POPDC3: variants seen among roughly 807,000 people sequenced by gnomAD.
The protein encoded by POPDC3 is popeye domain-containing protein 3.
POPDC3 carries 20 observed loss-of-function variants against 28.2 expected under a neutral mutation model. That is an observed-to-expected ratio of 0.71 (90% CI 0.50 to 1.03). The LOEUF (loss-of-function observed/expected upper bound fraction) is 1.03. Ranked by LOEUF, POPDC3 falls within the 50% of genes least tolerant of loss-of-function variation. The probability of loss-of-function intolerance (pLI) is 0.00; values close to 1 mark genes in which losing one functional copy is unlikely to be tolerated. For synonymous variants in POPDC3, 118 were observed against 124.1 expected (o/e 0.95, Z 0.33); for missense variants, 316 against 345.9 (o/e 0.91, Z 0.69).
intron 1 of POPDC3, among the ~76,000 whole-genome samples, chr6:105,166,349 T>C (rs1379534301): frequency 6.6e-6 from 1 of 152,022 alleles, no homozygotes; most frequent in Non-Finnish European, 1.5e-5. Flanking sequence ...GTTACTTAAC[T>C]GGCCTGTTTT....
At chr6:105,160,765 T>C (rs545038647) in intron 2 of POPDC3, among the ~76,000 whole-genome samples, 36 of 151,554 alleles carry the variant, frequency 2.4e-4, no homozygotes, top group African/African-American at 8.7e-4. Context: ...GATAATTTTG[T>C]TTTTCTATTT....
At chr6:105,178,887 C>G in intron 1 of POPDC3, 1 of 985,368 alleles carries the variant, frequency 1.0e-6, no homozygotes, top group Non-Finnish European at 1.2e-6. Flanking sequence ...TTTAAGGCTG[C>G]TATAAAACTC....
chr6:105,176,737 A>G (rs1462351357), intron 1 of POPDC3, among the ~76,000 whole-genome samples: 3 of 151,998 alleles, frequency 2.0e-5, no homozygotes, highest in African/African-American at 7.2e-5. Context: ...TTGTATTTTT[A>G]GTAGAGACAC....
At chr6:105,165,368 G>A (rs1774435102) in intron 1 of POPDC3, among the ~76,000 whole-genome samples, 1 of 152,178 alleles carries the variant, frequency 6.6e-6, no homozygotes, top group African/African-American at 2.4e-5. Flanking sequence ...ATAATTTGCT[G>A]TATTATTCAA....
At chr6:105,170,155 T>C (rs921417302) in intron 1 of POPDC3, among the ~76,000 whole-genome samples, 1 of 152,154 alleles carries the variant, frequency 6.6e-6, no homozygotes, top group African/African-American at 2.4e-5. Context: ...TTTTAAATAA[T>C]TGACAGGCTC....
chr6:105,162,609 G>A (rs962050123), intron 1 of POPDC3, among the ~76,000 whole-genome samples: 2 of 152,148 alleles, frequency 1.3e-5, no homozygotes, highest in African/African-American at 4.8e-5. Flanking sequence ...GCGTGCGCCT[G>A]GGATCCCAGC....
At chr6:105,179,297 G>GT (rs1774738014) in intron 1 of POPDC3, 1 of 970,672 alleles carries the variant, frequency 1.0e-6, no homozygotes, top group African/African-American at 1.8e-5. Flanking sequence ...TGAGAACAGT[G>GT]TGAGAGCACT....
intron 2 of POPDC3, among the ~76,000 whole-genome samples, 171 bp downstream of exon 2, chr6:105,161,253 GC>G (rs1191919031): frequency 6.6e-6 from 1 of 152,144 alleles, no homozygotes; most frequent in Non-Finnish European, 1.5e-5. Context: ...AGTAAATAAT[GC>G]CATATATTCT....
At position 105,161,752 on chromosome 6, in the gene POPDC3, A is replaced by T; in HGVS notation, c.158T>A (p.Val53Asp). The change falls in exon 2 of 4, where the codon GTC (valine) becomes GAC (aspartate). Residue 53 changes from valine (V) to aspartate (D), a missense_variant. Physicochemically the swap from Val to Asp is radical, Grantham distance 152. Transcript: ENST00000254765. ...GGSGFFGLLY[V>D]FSLLGLGFLC... ...AAAACCCAACCCCAGCAAACTGAAGACATAAAGGAGCCCGAAGAATCCACT... is the reference window on the plus strand; with the variant it reads ...AAAACCCAACCCCAGCAAACTGAAGTCATAAAGGAGCCCGAAGAATCCACT... 6.2e-7 allele frequency: 1 copy of T among 1,614,200 alleles called. No homozygotes were observed. The highest frequency in any genetic ancestry group is 8.5e-7 in the Non-Finnish European group (1 of 1,180,036).
chr6:105,164,731 C>T (rs932019613), intron 1 of POPDC3, among the ~76,000 whole-genome samples: 4 of 152,204 alleles, frequency 2.6e-5, no homozygotes, highest in Non-Finnish European at 5.9e-5. Flanking sequence ...CAAAGTGGCA[C>T]AATGGATTTC....
In POPDC3 at chr6:105,159,711, C is replaced by T. The variant is rs1199410191; in HGVS notation, c.594G>A (p.Gln198=). ...AACTGTGTGTTCTGGTATCCCTTAC[C>T]TGAAAAATGCCTTCCTCTGTGGGTC... The part of the protein sequence containing the change: ...SLRPTEEGIF[Q]VTLTAETDCR... Residue 198 remains glutamine (Q), a splice_region_variant and synonymous_variant, in exon 3 of 4, where the codon CAG becomes CAA. Coordinates refer to ENST00000254765, the MANE Select transcript of POPDC3 (RefSeq NM_022361.5). The T allele has an allele frequency of 1.9e-6, 3 of 1,584,494 alleles. No individual in the cohort carries two copies. The East Asian group carries it at 6.7e-5, about 35-fold the overall frequency.
chr6:105,174,096 C>G (rs1176729004), intron 1 of POPDC3, among the ~76,000 whole-genome samples: 1 of 152,178 alleles, frequency 6.6e-6, no homozygotes, highest in Non-Finnish European at 1.5e-5. Flanking sequence ...GGCTGGAGTG[C>G]AATGGCACAA....
intron 1 of POPDC3, among the ~76,000 whole-genome samples, chr6:105,172,139 A>C (rs1386093631): frequency 6.8e-6 from 1 of 147,136 alleles, no homozygotes; most frequent in African/African-American, 2.5e-5. Context: ...CTCATCTGAC[A>C]AAGGGCTAAT....
intron 1 of POPDC3, among the ~76,000 whole-genome samples, chr6:105,176,561 A>AT (rs1352307169): frequency 1.8e-4 from 12 of 68,150 alleles, no homozygotes; most frequent in Non-Finnish European, 9.8e-5. Flanking sequence ...CTTTTGACAT[A>AT]TCGTTTTTTT....
chr6:105,162,303 G>T, intron 1 of POPDC3, 143 bp from the exon 2 acceptor site: 1 of 251,562 alleles, frequency 4.0e-6, no homozygotes, highest in South Asian at 1.4e-4. Flanking sequence ...AATGCTGTTG[G>T]GTGTTAAATT....
Position 105,161,987 on chromosome 6 carries a change from C to T in POPDC3, c.-78G>A, listed in dbSNP as rs2114528127. ...CAGGTAACTAAGTCCTTTGGTTCTC[C>T]ATCATGAGAGTTTTGTGCAGTCTTC... On this transcript the variant is annotated 5_prime_UTR_variant, in exon 2 of 4. The change abolishes an upstream ATG in the 5' untranslated region. Transcript: ENST00000254765. 3 of 1,519,924 alleles carry T rather than the reference C, an allele frequency of 2.0e-6. No homozygotes were observed. The South Asian group carries it at 4.1e-5, about 21-fold the overall frequency. 94.2% of individuals were successfully genotyped at this position (1,519,924 alleles called of 1,614,324 possible).
Position 105,161,405 on chromosome 6 carries a change from C to A in POPDC3, c.485+20G>T. ...CAACTAATACTTGAGGAAAGACATG[C>A]AAGCACCAAAGGTACAAACCTTCCT... On this transcript the variant is annotated intron_variant, in intron 2 of 3. Coordinates refer to ENST00000254765, the MANE Select transcript of POPDC3 (RefSeq NM_022361.5). 1 of 1,596,888 alleles carries A rather than the reference C, an allele frequency of 6.3e-7. No homozygotes were observed. The highest frequency in any genetic ancestry group is 8.5e-7 in the Non-Finnish European group (1 of 1,172,220).
At chr6:105,174,013 C>T (rs755669248) in intron 1 of POPDC3, among the ~76,000 whole-genome samples, 2 of 152,150 alleles carry the variant, frequency 1.3e-5, no homozygotes, top group Non-Finnish European at 2.9e-5. Flanking sequence ...TACTTTAGGA[C>T]TCCGGGCAGA....
intron 1 of POPDC3, among the ~76,000 whole-genome samples, chr6:105,168,476 T>C (rs1430678942): frequency 1.3e-5 from 2 of 152,184 alleles, no homozygotes; most frequent in Admixed American, 6.5e-5. Flanking sequence ...ACCGGACTTT[T>C]TTCTGTTCTC....
Sources: gnomAD v4.1 joint callset for allele counts (sites outside exome capture counted in the v4.1 genomes callset) on GRCh38, gnomAD v4.1.1 for gene constraint, MANE v1.5 for transcripts, NCBI Gene and HGNC (gene_info 2026-07-23, HGNC 2026-07-21) for gene names.